CA6: variants seen among roughly 807,000 people sequenced by gnomAD.
CA6 encodes carbonate dehydratase VI.
A neutral mutation model predicts 35.9 loss-of-function variants in CA6; 28 were observed. That is an observed-to-expected ratio of 0.78 (90% CI 0.58 to 1.07). CA6 has a LOEUF of 1.07. Among genes scored for constraint, CA6 ranks in the 50% least tolerant of loss-of-function variants. CA6 has a pLI of 0.00. For synonymous variants in CA6, 148 were observed against 152.6 expected (o/e 0.97, Z 0.22); for missense variants, 377 against 382.0 (o/e 0.99, Z 0.11).
At chr1:8,947,005 C>T (rs564272737) in intron 1 of CA6, among the ~76,000 whole-genome samples, 5 of 151,806 alleles carry the variant, frequency 3.3e-5, no homozygotes, top group Non-Finnish European at 7.4e-5. Flanking sequence ...GGTTTTACCA[C>T]GTTGGCCAGG....
At chr1:8,948,043 C>T (rs1169721736) in intron 1 of CA6, among the ~76,000 whole-genome samples, 7 of 151,974 alleles carry the variant, frequency 4.6e-5, no homozygotes, top group Admixed American at 2.0e-4. Context: ...GATGGAGTTT[C>T]TCCAGGTTTG....
rs921940760 is a variant in CA6, at chr1:8,958,783, G to C, written c.409-127G>C. On this transcript the variant is annotated intron_variant, in intron 3 of 7. Transcript: ENST00000377443. ...CAGATGGAGAGAGATGGAGGTCCAAGTTGCTTGTGTGGAACAGTCTGAGGC... is the reference window on the plus strand; with the variant it reads ...CAGATGGAGAGAGATGGAGGTCCAACTTGCTTGTGTGGAACAGTCTGAGGC... 5.4e-6 allele frequency: 3 copies of C among 557,778 alleles called. No individual in the cohort carries two copies. The Admixed American group carries it at 9.0e-5, about 17-fold the overall frequency. The allele number at this position is 557,778 out of a possible 1,614,324, so 34.6% of individuals were successfully genotyped here.
chr1:8,973,800 T>C (rs140580399), intron 7 of CA6, among the ~76,000 whole-genome samples: 2 of 27,448 alleles, frequency 7.3e-5, no homozygotes, highest in Admixed American at 4.2e-4. Context: ...CCTCCCTCCC[T>C]CTCTCTCTCT....
chr1:8,955,643 G>T (rs1192527901), intron 2 of CA6, among the ~76,000 whole-genome samples: 1 of 150,446 alleles, frequency 6.6e-6, no homozygotes, highest in African/African-American at 2.5e-5. Flanking sequence ...GCCCTTCCAC[G>T]CCTCCTTTTA....
chr1:8,962,335 A>T (rs1001859127), intron 4 of CA6, among the ~76,000 whole-genome samples: 3 of 152,034 alleles, frequency 2.0e-5, no homozygotes, highest in Non-Finnish European at 4.4e-5. Context: ...ATCACCAATG[A>T]CTGACAAGCT....
intron 7 of CA6, among the ~76,000 whole-genome samples, chr1:8,974,178 C>G (rs774359972): frequency 6.6e-6 from 1 of 152,148 alleles, no homozygotes; most frequent in Non-Finnish European, 1.5e-5. Flanking sequence ...AGCTGCGTGA[C>G]TCATGGTATT....
At chr1:8,962,561 G>A (rs772910031) in intron 4 of CA6, 26 bp from the exon 5 acceptor site, 7 of 1,592,528 alleles carry the variant, frequency 4.4e-6, no homozygotes, top group African/African-American at 2.7e-5. Flanking sequence ...CTTCACTTAC[G>A]CTCAGTGCTC....
At chr1:8,973,280 A>G (rs1323287219) in intron 7 of CA6, among the ~76,000 whole-genome samples, 1 of 152,056 alleles carries the variant, frequency 6.6e-6, no homozygotes, top group Non-Finnish European at 1.5e-5. Context: ...CGGCCTCCCA[A>G]ATTGCTGGGA....
In CA6 at chr1:8,974,542, G is replaced by A. The variant is rs1010418588; in HGVS notation, c.845-80G>A. 2.9e-6 allele frequency: 4 copies of A among 1,389,288 alleles called. No individual in the cohort carries two copies. The African/African-American group carries it at 4.3e-5, about 15-fold the overall frequency. 86.1% of individuals were successfully genotyped at this position (1,389,288 alleles called of 1,614,324 possible). On this transcript the variant is annotated intron_variant, in intron 7 of 7. Coordinates refer to ENST00000377443, the MANE Select transcript of CA6 (RefSeq NM_001215.4). ...TTCCCAAAAATACGATGCGGGTATG[G>A]TGTCTGGCCGTCCCCCTTCTCTGTT...
chr1:8,949,983 T>C (rs1435886104), intron 2 of CA6, among the ~76,000 whole-genome samples: 1 of 151,804 alleles, frequency 6.6e-6, no homozygotes, highest in Non-Finnish European at 1.5e-5. Flanking sequence ...AACTGTAAAT[T>C]TTGTTTATTT....
chr1:8,959,047 T>C (rs780589314), intron 4 of CA6, 45 bp downstream of exon 4: 5 of 1,149,716 alleles, frequency 4.3e-6, no homozygotes, highest in South Asian at 1.3e-5. Flanking sequence ...AAGTTATAGG[T>C]TGATGTCCAA....
At chr1:8,958,532 A>C (rs1210211566) in intron 3 of CA6, among the ~76,000 whole-genome samples, 1 of 152,178 alleles carries the variant, frequency 6.6e-6, no homozygotes, top group Non-Finnish European at 1.5e-5. Flanking sequence ...ACATGTTAAC[A>C]ATGGTTGCCT....
intron 2 of CA6, among the ~76,000 whole-genome samples, chr1:8,954,313 C>T (rs1359115271): frequency 6.6e-6 from 1 of 152,090 alleles, no homozygotes; most frequent in Non-Finnish European, 1.5e-5. Context: ...TACAGGCATG[C>T]ACCACCATGC....
rs1242240911 is a variant in CA6 at position 8,964,290 on chromosome 1, C to CAGGCTGGA, written c.571+1635_571+1642dup. Among the ~76,000 whole-genome samples, 4 of 152,090 alleles carry CAGGCTGGA rather than the reference C, an allele frequency of 2.6e-5. No homozygotes were observed. In the East Asian group the frequency reaches 7.7e-4, roughly 29 times the overall value. On this transcript the variant is annotated intron_variant, in intron 5 of 7. Coordinates refer to ENST00000377443, the MANE Select transcript of CA6 (RefSeq NM_001215.4). ...TGGAGATGGAGTCTTGCTCTGTCAC[C>CAGGCTGGA]AGGCTGGAGTGCAGTGGCATGATCT...
chr1:8,957,807 AAT>A (rs1317763482), intron 3 of CA6, among the ~76,000 whole-genome samples: 5 of 147,518 alleles, frequency 3.4e-5, no homozygotes, highest in Non-Finnish European at 7.5e-5. Flanking sequence ...AAAAAAAAAA[AAT>A]TAGCCAGGAG....
At chr1:8,962,441 T>A in intron 4 of CA6, 146 bp from the exon 5 acceptor site, 1 of 670,830 alleles carries the variant, frequency 1.5e-6, no homozygotes, top group African/African-American at 1.8e-5. Flanking sequence ...CCAGACTGTC[T>A]CTGCCAAAAC....
Position 8,973,724 on chromosome 1 carries a change from CTTTCTTTCTTTCTT to C in CA6, c.845-896_845-883del, listed in dbSNP as rs1258794394. Among the ~76,000 whole-genome samples, 7 of 15,870 alleles carry C rather than the reference CTTTCTTTCTTTCTT, an allele frequency of 4.4e-4. No homozygotes were observed. The Admixed American group carries it at 5.1e-3, about 12-fold the overall frequency. The allele number at this position is 15,870 out of a possible 152,430, so 10.4% of individuals were successfully genotyped here. On this transcript the variant is annotated intron_variant, in intron 7 of 7. Transcript: ENST00000377443. ...TTTCTTTCTCTCTCTTTCTTTCTTT[CTTTCTTTCTTTCTT>C]TCTTTCTTTCTTTCTTTCTTTCTTT...
At chr1:8,961,731 G>C (rs546098977) in intron 4 of CA6, among the ~76,000 whole-genome samples, 3 of 152,196 alleles carry the variant, frequency 2.0e-5, no homozygotes, top group Non-Finnish European at 1.5e-5. Context: ...TGACTGAAAA[G>C]AGCCATTGAA....
intron 6 of CA6, among the ~76,000 whole-genome samples, chr1:8,969,314 C>CA (rs1640049987): frequency 6.6e-6 from 1 of 151,818 alleles, no homozygotes; most frequent in Non-Finnish European, 1.5e-5. Flanking sequence ...GACTCCATCT[C>CA]AAAAAAACAA....
Sources: gnomAD v4.1 joint callset for allele counts (sites outside exome capture counted in the v4.1 genomes callset) on GRCh38, gnomAD v4.1.1 for gene constraint, MANE v1.5 for transcripts, NCBI Gene and HGNC (gene_info 2026-07-23, HGNC 2026-07-21) for gene names.